ERP44: variants seen among roughly 807,000 people sequenced by gnomAD.
ERP44 encodes the protein endoplasmic reticulum resident protein 44.
In ERP44, 25 loss-of-function variants were observed where a neutral mutation model predicts 53.4. The observed-to-expected ratio is 0.47, with a 90% confidence interval of 0.34 to 0.65. The LOEUF is 0.65. ERP44 is among the 30% of genes least tolerant of loss of function. The probability of loss-of-function intolerance (pLI) is 0.01; values close to 1 mark genes in which losing one functional copy is unlikely to be tolerated. For missense variants in ERP44, 338 were observed against 493.2 expected (o/e 0.69, Z 2.98); for synonymous variants, 145 against 161.2 (o/e 0.90, Z 0.76).
rs568749632 is a variant in ERP44, at chr9:100,098,719, C to T, written c.57+65G>A. 2.4e-4 allele frequency: 321 copies of T among 1,314,712 alleles called. 8 individuals carry two copies. In the South Asian group the frequency reaches 3.2e-3, roughly 13 times the overall value. The allele number at this position is 1,314,712 out of a possible 1,614,324, so 81.4% of individuals were successfully genotyped here. A position where few individuals can be genotyped will look rare whatever the true frequency, so the allele number is the denominator to read the frequency against. On this transcript the variant is annotated intron_variant, in intron 1 of 11. Transcript: ENST00000262455. ...AAGCAGGGGCAGGAGTAGCAGTGTT[C>T]CCCCTGGGCGAGGGCCGGAGGCCGT...
At chr9:100,087,376 T>A (rs947202701) in intron 1 of ERP44, among the ~76,000 whole-genome samples, 3 of 152,214 alleles carry the variant, frequency 2.0e-5, no homozygotes, top group African/African-American at 7.2e-5. Context: ...GCTGGTCAAG[T>A]GAACTCATTA....
chr9:99,980,735 G>A lies in ERP44; in HGVS notation c.*1877C>T, dbSNP rs578255868. 6.6e-6 allele frequency: 1 copy of A among 152,340 alleles called. No homozygotes were observed. The highest frequency in any genetic ancestry group is 2.1e-4 in the South Asian group (1 of 4,826). The allele number at this position is 152,340 out of a possible 1,614,324, so 9.4% of individuals were successfully genotyped here. A position where few individuals can be genotyped will look rare whatever the true frequency, so the allele number is the denominator to read the frequency against. ...CTCAGTGACTTCACAGTCCAGAGAA[G>A]ACAATGATAGTGGCAGGGCTAGAGC... is the stretch of plus-strand genomic sequence containing the variant. On this transcript the variant is annotated 3_prime_UTR_variant, in exon 12 of 12. Transcript: ENST00000262455.
chr9:100,091,646 T>A (rs1275214936), intron 1 of ERP44, among the ~76,000 whole-genome samples: 1 of 152,254 alleles, frequency 6.6e-6, no homozygotes, highest in Admixed American at 6.5e-5. Context: ...TGAAAATAAG[T>A]TGATCCATTT....
At chr9:99,985,417 T>C (rs1163907891) in intron 10 of ERP44, among the ~76,000 whole-genome samples, 2 of 152,236 alleles carry the variant, frequency 1.3e-5, no homozygotes, top group African/African-American at 4.8e-5. Flanking sequence ...AAAAACTTTG[T>C]TCTGCAACAT....
intron 4 of ERP44, among the ~76,000 whole-genome samples, chr9:100,025,922 T>C (rs1192369915): frequency 6.6e-6 from 1 of 152,206 alleles, no homozygotes; most frequent in African/African-American, 2.4e-5. Flanking sequence ...AGCAAAAATG[T>C]GTTGGTCCTA....
chr9:99,989,479 CAGAA>C (rs996936294), intron 10 of ERP44, among the ~76,000 whole-genome samples: 6 of 152,182 alleles, frequency 3.9e-5, no homozygotes, highest in Non-Finnish European at 5.9e-5. Context: ...AACTAACAAA[CAGAA>C]AGGAATAGCA....
intron 1 of ERP44, among the ~76,000 whole-genome samples, chr9:100,062,591 G>C (rs939220126): frequency 5.9e-5 from 9 of 152,162 alleles, no homozygotes; most frequent in African/African-American, 1.7e-4. Context: ...GGGCACAAAT[G>C]CATACGGCAT....
At chr9:100,052,678 A>G (rs7032333) in intron 3 of ERP44, 146 bp from the exon 4 acceptor site, 313,794 of 496,536 alleles carry the variant, frequency 0.63, 105,100 homozygotes, top group East Asian at 0.93. Flanking sequence ...GGACCCTGAC[A>G]TCGTTCAATG....
chr9:100,019,839 T>A (rs1830567048), intron 6 of ERP44, among the ~76,000 whole-genome samples: 1 of 152,068 alleles, frequency 6.6e-6, no homozygotes, highest in Non-Finnish European at 1.5e-5. Flanking sequence ...AATTAAGAAG[T>A]CATTTTGTGA....
At chr9:100,079,302 A>C (rs748488756) in intron 1 of ERP44, among the ~76,000 whole-genome samples, 1 of 152,144 alleles carries the variant, frequency 6.6e-6, no homozygotes, top group African/African-American at 2.4e-5. Context: ...TCAGACTCCA[A>C]GTACTTCAGC....
intron 4 of ERP44, among the ~76,000 whole-genome samples, chr9:100,038,183 T>C (rs558017632): frequency 2.6e-4 from 40 of 152,050 alleles, no homozygotes; most frequent in African/African-American, 9.2e-4. Flanking sequence ...TCACAGAAAA[T>C]AGAAAGTACA....
chr9:100,077,298 T>C (rs998050173), intron 1 of ERP44, among the ~76,000 whole-genome samples: 73 of 152,220 alleles, frequency 4.8e-4, no homozygotes, highest in African/African-American at 1.7e-3. Context: ...AGTGGACTCA[T>C]GCTCATGAAA....
At chr9:100,070,266 A>G (rs976549650) in intron 1 of ERP44, among the ~76,000 whole-genome samples, 2 of 152,218 alleles carry the variant, frequency 1.3e-5, no homozygotes, top group African/African-American at 4.8e-5. Context: ...CCTTCCACAA[A>G]TATTTCACTG....
intron 4 of ERP44, among the ~76,000 whole-genome samples, chr9:100,023,564 G>T (rs1256125841): frequency 6.6e-6 from 1 of 151,696 alleles, no homozygotes; most frequent in East Asian, 1.9e-4. Flanking sequence ...GAGTAGCTGG[G>T]ACAACAGGTG....
intron 4 of ERP44, among the ~76,000 whole-genome samples, chr9:100,041,069 A>C (rs572080833): frequency 6.6e-6 from 1 of 152,324 alleles, no homozygotes; most frequent in African/African-American, 2.4e-5. Context: ...AAATGTTATT[A>C]CTACCAAAAG....
intron 10 of ERP44, among the ~76,000 whole-genome samples, chr9:99,990,188 G>A (rs944066406): frequency 6.6e-5 from 10 of 152,046 alleles, no homozygotes; most frequent in South Asian, 2.1e-4. Flanking sequence ...GATACTCCTC[G>A]ACAAGAGCAA....
intron 4 of ERP44, among the ~76,000 whole-genome samples, chr9:100,050,784 C>T (rs866574817): frequency 1.1e-4 from 16 of 152,204 alleles, no homozygotes; most frequent in Middle Eastern, 3.4e-3. Context: ...AGCTTACTAG[C>T]AATGATGTCA....
intron 8 of ERP44, among the ~76,000 whole-genome samples, chr9:100,012,075 C>T (rs2118640117): frequency 6.6e-6 from 1 of 151,950 alleles, no homozygotes; most frequent in East Asian, 1.9e-4. Context: ...GAAGTAGAAC[C>T]AAAGAATCTC....
At chr9:100,070,191 T>C (rs1248803664) in intron 1 of ERP44, among the ~76,000 whole-genome samples, 1 of 152,190 alleles carries the variant, frequency 6.6e-6, no homozygotes, top group Non-Finnish European at 1.5e-5. Flanking sequence ...GGAAACTTGA[T>C]GAGAGAAAGT....
Sources: gnomAD v4.1 joint callset for allele counts (sites outside exome capture counted in the v4.1 genomes callset) on GRCh38, gnomAD v4.1.1 for gene constraint, MANE v1.5 for transcripts, NCBI Gene and HGNC (gene_info 2026-07-23, HGNC 2026-07-21) for gene names.